Variants in STX8 observed in about 807,000 individuals in gnomAD.
STX8 encodes the protein syntaxin 8.
In STX8, 23 loss-of-function variants were observed where a neutral mutation model predicts 37.5. The observed-to-expected ratio is 0.61, with a 90% CI of 0.44 to 0.87. The LOEUF (loss-of-function observed/expected upper bound fraction) is 0.87. Ranked by LOEUF, STX8 falls within the 40% of genes least tolerant of loss-of-function variation. STX8 has a pLI of 0.00. For synonymous variants in STX8, 115 were observed against 99.1 expected (o/e 1.16, Z -0.95); for missense variants, 313 against 284.7 (o/e 1.10, Z -0.71).
intron 7 of STX8, chr17:9,377,779 A>C (rs1308285401): frequency 6.6e-6 from 1 of 152,246 alleles, no homozygotes; most frequent in Non-Finnish European, 1.5e-5. Context: ...TCTAGTTTTC[A>C]TAAATATGTC....
rs548575067 is a variant in STX8, at chr17:9,400,530, G to A, written c.542-21877C>T. On this transcript the variant is annotated intron_variant, in intron 6 of 7. Coordinates refer to ENST00000306357, the MANE Select transcript of STX8 (RefSeq NM_004853.3). ...AGCGATTCTCCTGCCTCAGCCTCCC[G>A]AGTAGCTGGTATTACAGGCACACAC... 4.5e-4 allele frequency among the ~76,000 whole-genome samples: 69 copies of A among 151,836 alleles called. 1 individual carries two copies. In the South Asian group the frequency reaches 0.013, roughly 29 times the overall value.
At chr17:9,292,383 G>A (rs1022536354) in intron 7 of STX8, among the ~76,000 whole-genome samples, 1 of 152,204 alleles carries the variant, frequency 6.6e-6, no homozygotes, top group African/African-American at 2.4e-5. Flanking sequence ...GAGAGTGACA[G>A]GCATACAGAG....
chr17:9,540,452 C>T (rs531591025), intron 4 of STX8, among the ~76,000 whole-genome samples: 46 of 152,304 alleles, frequency 3.0e-4, no homozygotes, highest in African/African-American at 1.1e-3. Context: ...GTTCCCGTTA[C>T]GGTGTTGGGT....
chr17:9,520,217 T>C (rs1905295446), intron 4 of STX8, among the ~76,000 whole-genome samples: 1 of 152,194 alleles, frequency 6.6e-6, no homozygotes, highest in African/African-American at 2.4e-5. Context: ...AACATTTTTA[T>C]CTTGAAATGT....
chr17:9,376,575 A>G (rs1193821438), intron 7 of STX8, among the ~76,000 whole-genome samples: 4 of 152,198 alleles, frequency 2.6e-5, no homozygotes, highest in Admixed American at 1.3e-4. Flanking sequence ...GGGTCCCCTT[A>G]CATGCTGTGG....
intron 6 of STX8, among the ~76,000 whole-genome samples, chr17:9,401,434 A>C (rs6503197): frequency 0.57 from 86,421 of 152,012 alleles, 25,135 homozygotes; most frequent in East Asian, 0.78. Flanking sequence ...CTCATCTGAT[A>C]CTCCTGTCAA....
At chr17:9,572,651 G>A (rs1247213387) in intron 1 of STX8, among the ~76,000 whole-genome samples, 16 of 151,980 alleles carry the variant, frequency 1.1e-4, no homozygotes, top group Middle Eastern at 3.4e-3. Flanking sequence ...CTTATGATCC[G>A]CCTGCCTCAG....
At chr17:9,375,068 A>T (rs1019658397) in intron 7 of STX8, among the ~76,000 whole-genome samples, 1 of 144,570 alleles carries the variant, frequency 6.9e-6, no homozygotes, top group Non-Finnish European at 1.5e-5. Context: ...TGTCTCAAAA[A>T]AAAAAAAAAA....
chr17:9,486,321 T>C (rs1257699982), intron 6 of STX8, among the ~76,000 whole-genome samples: 2 of 152,136 alleles, frequency 1.3e-5, no homozygotes, highest in Admixed American at 6.6e-5. Context: ...GAATTGCTCA[T>C]AGATTGTCAG....
chr17:9,493,483 C>T (rs1278748066), intron 5 of STX8, among the ~76,000 whole-genome samples: 2 of 152,164 alleles, frequency 1.3e-5, no homozygotes, highest in Non-Finnish European at 2.9e-5. Flanking sequence ...CCTCCTCGGG[C>T]AGGTTTATAA....
At chr17:9,392,933 A>T (rs1282966774) in intron 6 of STX8, among the ~76,000 whole-genome samples, 1 of 152,214 alleles carries the variant, frequency 6.6e-6, no homozygotes, top group Non-Finnish European at 1.5e-5. Context: ...CAGAAAAAAT[A>T]CGTGAACAAA....
In STX8 at chr17:9,445,750, A is replaced by G. The variant is rs188011947; in HGVS notation, c.541+46079T>C. Among the ~76,000 whole-genome samples, 778 of 152,140 alleles carry G rather than the reference A, an allele frequency of 5.1e-3. 13 individuals are homozygous for G. Among genetic ancestry groups the G allele is most frequent in the Non-Finnish European group, 4.6e-3 (315 of 67,984 alleles). On this transcript the variant is annotated intron_variant, in intron 6 of 7. Coordinates refer to ENST00000306357, the MANE Select transcript of STX8 (RefSeq NM_004853.3). Reference sequence around the variant, plus strand: ...CCCACTTTTTAAACCATGAAGATACATTAAGCACACTACTTTTTCAATAGC... The same window carrying G: ...CCCACTTTTTAAACCATGAAGATACGTTAAGCACACTACTTTTTCAATAGC...
At chr17:9,557,959 G>T (rs1454778806) in intron 2 of STX8, among the ~76,000 whole-genome samples, 1 of 152,196 alleles carries the variant, frequency 6.6e-6, no homozygotes, top group Non-Finnish European at 1.5e-5. Context: ...ACAAAGCATG[G>T]AGTCCCATTA....
At chr17:9,525,847 A>G (rs1905546883) in intron 4 of STX8, among the ~76,000 whole-genome samples, 1 of 152,196 alleles carries the variant, frequency 6.6e-6, no homozygotes, top group African/African-American at 2.4e-5. Context: ...AACACTTTCC[A>G]GTTTACAAAG....
intron 5 of STX8, among the ~76,000 whole-genome samples, chr17:9,493,969 T>C (rs544149719): frequency 6.7e-6 from 1 of 150,336 alleles, no homozygotes; most frequent in East Asian, 2.0e-4. Flanking sequence ...TATATTTTGA[T>C]GTTGAAAGAA....
intron 6 of STX8, among the ~76,000 whole-genome samples, chr17:9,430,391 C>G (rs1913913740): frequency 6.6e-6 from 1 of 150,582 alleles, no homozygotes; most frequent in Admixed American, 6.7e-5. Flanking sequence ...TCCCCCTGCC[C>G]CTAGCCTCGG....
intron 7 of STX8, among the ~76,000 whole-genome samples, chr17:9,326,945 A>T (rs1428425395): frequency 6.6e-6 from 1 of 152,158 alleles, no homozygotes; most frequent in Non-Finnish European, 1.5e-5. Context: ...AGATCACCTG[A>T]TGTCGGGAGT....
chr17:9,280,880 G>A (rs17808607), intron 7 of STX8, among the ~76,000 whole-genome samples: 1 of 152,054 alleles, frequency 6.6e-6, no homozygotes, highest in Non-Finnish European at 1.5e-5. Context: ...ACAATCTGTC[G>A]TAAGGAAATT....
At chr17:9,428,483 A>AC (rs1555526385) in intron 6 of STX8, among the ~76,000 whole-genome samples, 1 of 151,990 alleles carries the variant, frequency 6.6e-6, no homozygotes, top group Non-Finnish European at 1.5e-5. Context: ...CTTGTGATCC[A>AC]CCCGCCTTGG....
Sources: gnomAD v4.1 joint callset for allele counts (sites outside exome capture counted in the v4.1 genomes callset) on GRCh38, gnomAD v4.1.1 for gene constraint, MANE v1.5 for transcripts, NCBI Gene and HGNC (gene_info 2026-07-23, HGNC 2026-07-21) for gene names.